Variants in BEND3 observed in about 807,000 individuals in gnomAD.
BEND3 encodes BEN domain containing 3.
Under a neutral mutation model 60.1 loss-of-function variants are expected in BEND3, and 13 were observed. The observed-to-expected ratio is 0.22, with a 90% CI of 0.14 to 0.34. The LOEUF is 0.34. Ranked by LOEUF, BEND3 falls within the 10% of genes least tolerant of loss-of-function variation. The probability of loss-of-function intolerance (pLI) is 1.00; values close to 1 mark genes in which losing one functional copy is unlikely to be tolerated. For synonymous variants in BEND3, 497 were observed against 491.5 expected, an observed-to-expected ratio of 1.01 and a Z score of -0.15; for missense variants, 896 against 1,138.1, an observed-to-expected ratio of 0.79 and a Z score of 3.06.
At chr6:107,108,044 T>C (rs1775858191) in intron 1 of BEND3, among the ~76,000 whole-genome samples, 1 of 152,198 alleles carries the variant, frequency 6.6e-6, no homozygotes, top group African/African-American at 2.4e-5. Context: ...TTGCAGGACA[T>C]GTTCGCAATT....
intron 3 of BEND3, among the ~76,000 whole-genome samples, chr6:107,079,058 CG>C (rs777058361): frequency 6.6e-6 from 1 of 151,954 alleles, no homozygotes; most frequent in Non-Finnish European, 1.5e-5. Context: ...TCCAGAGGAG[CG>C]GATCAGTGGA....
At chr6:107,091,630 A>G (rs960770735) in intron 3 of BEND3, among the ~76,000 whole-genome samples, 2 of 152,234 alleles carry the variant, frequency 1.3e-5, no homozygotes, top group African/African-American at 4.8e-5. Flanking sequence ...AAATAGGGCT[A>G]TATCTATTAA....
At position 107,070,362 on chromosome 6, in the gene BEND3, C is replaced by T. The variant is rs1774946120; in HGVS notation, c.829G>A (p.Glu277Lys). The change falls in exon 4 of 4, where the codon GAG (glutamate) becomes AAG (lysine). Residue 277 changes from glutamate (E) to lysine (K), a missense_variant. Glu to Lys is a moderately conservative substitution (Grantham distance 56, BLOSUM62 1). Coordinates refer to ENST00000369042, the MANE Select transcript of BEND3 (RefSeq NM_001367314.1). The surrounding 1 kb of genome is among the most constrained non-coding windows in gnomAD (Gnocchi z 6.9). The part of the protein sequence containing the change: ...ACRLLVQLFP[E>K]LFSDVDFSRG... Reference sequence around the variant, plus strand: ...GAGAAGTCCACGTCGCTGAAGAGCTCGGGGAAGAGCTGCACCAGCAAGCGG... The same window carrying T: ...GAGAAGTCCACGTCGCTGAAGAGCTTGGGGAAGAGCTGCACCAGCAAGCGG... The T allele has an allele frequency of 3.7e-6, 6 of 1,613,350 alleles. No homozygotes were observed. Among genetic ancestry groups the T allele is most frequent in the Non-Finnish European group, 4.2e-6 (5 of 1,180,036 alleles).
rs1554231256 is a variant in BEND3 at position 107,068,815 on chromosome 6, C to T, written c.2376G>A (p.Lys792=). 6 of 1,614,038 alleles carry T rather than the reference C, an allele frequency of 3.7e-6. No individual in the cohort carries two copies. The highest frequency in any genetic ancestry group is 5.1e-6 in the Non-Finnish European group (6 of 1,180,050). ...HYVEAVYPVE[K]MEEVWHYECI... ...ATTCGTAGTGCCACACCTCCTCCAT[C>T]TTCTCCACCGGGTAGACGGCTTCCA... The change falls in exon 4 of 4, where the codon AAG becomes AAA. Residue 792 remains lysine, a synonymous_variant. Transcript: ENST00000369042. This position sits in a 1 kb window ranked among gnomAD's most constrained non-coding sequence, Gnocchi z 5.8.
intron 3 of BEND3, among the ~76,000 whole-genome samples, chr6:107,097,790 C>CAAAAAAAA (rs10674719): frequency 1.9e-5 from 1 of 53,344 alleles, no homozygotes. Context: ...AACTCCGTCT[C>CAAAAAAAA]AAAAAAAAAA....
Position 107,070,710 on chromosome 6 carries a change from C to A in BEND3, c.481G>T (p.Ala161Ser). The change falls in exon 4 of 4, where the codon GCC becomes TCC. Residue 161 changes from alanine (A) to serine (S), a missense_variant. By Grantham distance (99) the Ala-to-Ser change is moderately conservative. Transcript: ENST00000369042. The surrounding 1 kb of genome is among the most constrained non-coding windows in gnomAD (Gnocchi z 6.9). ...CGCAGTGACGAGGGGCTGTTGCTGG[C>A]GTTTGCCTTCTCAAAGAGCTCGTAC... Reference protein sequence around the residue: ...NVYELFEKANASNSPSSLRLL... With the variant: ...NVYELFEKANSSNSPSSLRLL... The A allele has an allele frequency of 6.2e-7, 1 of 1,613,540 alleles. No individual in the cohort carries two copies.
chr6:107,101,623 T>C (rs1256573235), intron 1 of BEND3, among the ~76,000 whole-genome samples: 1 of 152,148 alleles, frequency 6.6e-6, no homozygotes, highest in African/African-American at 2.4e-5. Flanking sequence ...AAACAAATAA[T>C]AAGTCAACTT....
In BEND3 at chr6:107,070,699, G is replaced by C. The variant is rs782606349; in HGVS notation, c.492C>G (p.Ser164Arg). The C allele has an allele frequency of 6.2e-7, 1 of 1,613,258 alleles. No homozygotes were observed. Among genetic ancestry groups the C allele is most frequent in the African/African-American group, 1.3e-5 (1 of 74,918 alleles). Residue 164 changes from serine (S) to arginine (R), a missense_variant, in exon 4 of 4, where the codon AGC becomes AGG. Physicochemically the swap from Ser to Arg is moderately radical, Grantham distance 110 (BLOSUM62 -1). Coordinates refer to ENST00000369042, the MANE Select transcript of BEND3 (RefSeq NM_001367314.1). The surrounding 1 kb of genome is among the most constrained non-coding windows in gnomAD (Gnocchi z 6.9). ...ELFEKANASN[S>R]PSSLRLLNEP... Reference sequence around the variant, plus strand: ...CATTCAGGAGCCGCAGTGACGAGGGGCTGTTGCTGGCGTTTGCCTTCTCAA... The same window carrying C: ...CATTCAGGAGCCGCAGTGACGAGGGCCTGTTGCTGGCGTTTGCCTTCTCAA...
At chr6:107,086,034 G>A (rs1034895081) in intron 3 of BEND3, among the ~76,000 whole-genome samples, 8 of 151,912 alleles carry the variant, frequency 5.3e-5, no homozygotes, top group Non-Finnish European at 1.2e-4. Flanking sequence ...TGATCTGCCC[G>A]CCTCGGCCTC....
At chr6:107,096,913 C>T (rs1775596533) in intron 3 of BEND3, among the ~76,000 whole-genome samples, 1 of 151,918 alleles carries the variant, frequency 6.6e-6, no homozygotes, top group South Asian at 2.1e-4. Flanking sequence ...TGGACCAACA[C>T]TGCAGATGTT....
rs540941242 is a variant in BEND3 at position 107,084,480 on chromosome 6, G to A, written c.241-13530C>T. 1.5e-4 allele frequency among the ~76,000 whole-genome samples: 22 copies of A among 151,090 alleles called. 1 individual carries two copies. In the South Asian group the frequency reaches 4.4e-3, roughly 30 times the overall value. ...GCACCAATCAGCACTCTGTAAAAAC[G>A]CACCAATCAGCACTCTGTAAAAACG... On this transcript the variant is annotated intron_variant, in intron 3 of 3. Coordinates refer to ENST00000369042, the MANE Select transcript of BEND3 (RefSeq NM_001367314.1).
At chr6:107,093,698 T>C (rs1293241279) in intron 3 of BEND3, among the ~76,000 whole-genome samples, 1 of 152,202 alleles carries the variant, frequency 6.6e-6, no homozygotes, top group Non-Finnish European at 1.5e-5. Flanking sequence ...CATGCAAATA[T>C]GTCAATCTAG....
At chr6:107,080,155 C>T (rs1309611402) in intron 3 of BEND3, among the ~76,000 whole-genome samples, 4 of 151,636 alleles carry the variant, frequency 2.6e-5, no homozygotes, top group Non-Finnish European at 4.4e-5. Flanking sequence ...CCGGCACTTT[C>T]GGAGGCCAAG....
At chr6:107,100,938 G>A (rs563672847) in intron 1 of BEND3, among the ~76,000 whole-genome samples, 50 of 152,176 alleles carry the variant, frequency 3.3e-4, no homozygotes, top group African/African-American at 5.5e-4. Flanking sequence ...ATGGTGGCTC[G>A]TGCCTGTAAT....
chr6:107,073,265 GTA>G (rs560056304), intron 3 of BEND3, among the ~76,000 whole-genome samples: 1,224 of 23,426 alleles, frequency 0.052, 98 homozygotes, highest in African/African-American at 0.11. Flanking sequence ...ATATATATAT[GTA>G]TGTGAGCAAA....
Position 107,105,402 on chromosome 6 carries a change from G to A in BEND3, c.-11-6106C>T, listed in dbSNP as rs556026975. 1.2e-4 allele frequency among the ~76,000 whole-genome samples: 18 copies of A among 151,502 alleles called. No homozygotes were observed. In the South Asian group the frequency reaches 3.8e-3, roughly 32 times the overall value. Reference sequence around the variant, plus strand: ...GAAAAAAAAAAAAAAAAAGAACTGGGATGGGAGATGACATGGTCTTCTAAG... The same window carrying A: ...GAAAAAAAAAAAAAAAAAGAACTGGAATGGGAGATGACATGGTCTTCTAAG... On this transcript the variant is annotated intron_variant, in intron 1 of 3. Transcript: ENST00000369042.
At chr6:107,087,982 A>AC (rs1775391675) in intron 3 of BEND3, among the ~76,000 whole-genome samples, 1 of 150,286 alleles carries the variant, frequency 6.7e-6, no homozygotes, top group South Asian at 2.1e-4. Flanking sequence ...AAAAAAAAAA[A>AC]ACACTGTAAT....
chr6:107,071,750 AAT>A (rs1387275009), intron 3 of BEND3, among the ~76,000 whole-genome samples: 9 of 133,884 alleles, frequency 6.7e-5, no homozygotes, highest in South Asian at 2.4e-4. Context: ...TAAATCTCAA[AAT>A]AAATAACAAA....
intron 3 of BEND3, among the ~76,000 whole-genome samples, chr6:107,079,996 G>A (rs1775190408): frequency 1.3e-5 from 2 of 151,362 alleles, no homozygotes; most frequent in South Asian, 2.1e-4. Flanking sequence ...CTCCCAAAAC[G>A]CTAGGATTAC....
Sources: allele counts gnomAD v4.1 joint callset (sites outside exome capture counted in the v4.1 genomes callset), GRCh38; gene constraint gnomAD v4.1.1; non-coding constraint Gnocchi (gnomAD v3.1); transcripts MANE v1.5; gene names NCBI Gene and HGNC (gene_info 2026-07-23, HGNC 2026-07-21).